Variants in C4BPA observed in about 807,000 individuals in gnomAD.
The protein encoded by C4BPA is C4b-binding protein alpha chain.
In C4BPA, 31 loss-of-function variants were observed where a neutral mutation model predicts 63.7. That is an observed-to-expected ratio of 0.49 (90% CI 0.37 to 0.66). The LOEUF (loss-of-function observed/expected upper bound fraction) is 0.66, where lower values mean the gene tolerates loss of function less well. C4BPA is among the 30% of genes least tolerant of loss of function. The pLI, the probability that C4BPA is intolerant of heterozygous loss-of-function variation, is 0.00. For synonymous variants in C4BPA, 259 were observed against 254.7 expected, an observed-to-expected ratio of 1.02 and a Z score of -0.16; for missense variants, 572 against 723.3, an observed-to-expected ratio of 0.79 and a Z score of 2.40.
In C4BPA at chr1:207,126,905, G is replaced by T; in HGVS notation, c.889+10G>T. 1 of 1,605,760 alleles carries T rather than the reference G, an allele frequency of 6.2e-7. No individual in the cohort carries two copies. The highest frequency in any genetic ancestry group is 2.2e-5 in the East Asian group (1 of 44,644). ...CCTGCTTGTGAGCCCAGTAAGTATG[G>T]ACTGTGACAGAATTTCAATGTTTGG... is the stretch of plus-strand genomic sequence containing the variant. On this transcript the variant is annotated intron_variant, in intron 7 of 11. Coordinates refer to ENST00000367070, the MANE Select transcript of C4BPA (RefSeq NM_000715.4).
At chr1:207,113,213 T>C in intron 2 of C4BPA, 46 bp downstream of exon 2, 1 of 1,590,024 alleles carries the variant, frequency 6.3e-7, no homozygotes, top group Non-Finnish European at 8.5e-7. Context: ...ACAATGAAGA[T>C]CATCTGTGCA....
At chr1:207,105,776 C>T (rs564671766) in intron 1 of C4BPA, among the ~76,000 whole-genome samples, 6 of 152,222 alleles carry the variant, frequency 3.9e-5, no homozygotes, top group African/African-American at 4.8e-5. Flanking sequence ...TAAAAAGTAA[C>T]TTCTCATGGA....
At chr1:207,136,321 G>A (rs1347356014) in intron 9 of C4BPA, among the ~76,000 whole-genome samples, 1 of 152,200 alleles carries the variant, frequency 6.6e-6, no homozygotes, top group Non-Finnish European at 1.5e-5. Flanking sequence ...TCAACTGGCT[G>A]AGACTTTTTT....
At chr1:207,123,645 C>A (rs1278475976) in intron 4 of C4BPA, among the ~76,000 whole-genome samples, 2 of 152,106 alleles carry the variant, frequency 1.3e-5, no homozygotes, top group Non-Finnish European at 2.9e-5. Context: ...CTGAAGCCAG[C>A]CTTTTATTGT....
chr1:207,131,697 T>G lies in C4BPA; in HGVS notation c.1041T>G (p.Ile347Met). 1 of 1,613,726 alleles carries G rather than the reference T, an allele frequency of 6.2e-7. No homozygotes were observed. Among genetic ancestry groups the G allele is most frequent in the Non-Finnish European group, 8.5e-7 (1 of 1,179,856 alleles). The change falls in exon 8 of 12, where the codon ATT becomes ATG. Residue 347 changes from isoleucine to methionine, a missense_variant. Physicochemically the swap from Ile to Met is conservative, Grantham distance 10. Coordinates refer to ENST00000367070, the MANE Select transcript of C4BPA (RefSeq NM_000715.4). ...CTACAGATGAGCCTACGACTGTGAT[T>G]TGTCAGAAAAATTTGAGATGGACCC... ...KPTTDEPTTV[I>M]CQKNLRWTPY...
At position 207,137,017 on chromosome 1, in the gene C4BPA, T is replaced by G. The variant is rs1685292594; in HGVS notation, c.1273+2425T>G. ...ATTGCTCCTAGCCAAATCCTCTTTG[T>G]CCTGTCATTTCTTCTTAAATTTATT... On this transcript the variant is annotated intron_variant, in intron 9 of 11. Coordinates refer to ENST00000367070, the MANE Select transcript of C4BPA (RefSeq NM_000715.4). Among the ~76,000 whole-genome samples the G allele has an allele frequency of 2.0e-5, 3 of 152,280 alleles. No individual in the cohort carries two copies. The South Asian group carries it at 6.2e-4, about 31-fold the overall frequency.
rs755642231 is a variant in C4BPA at position 207,143,835 on chromosome 1, G to A, written c.1462G>A (p.Glu488Lys). 6 of 1,612,994 alleles carry A rather than the reference G, an allele frequency of 3.7e-6. No individual in the cohort carries two copies. Among genetic ancestry groups the A allele is most frequent in the Non-Finnish European group, 5.1e-6 (6 of 1,179,174 alleles). The change falls in exon 11 of 12, where the codon GAA (glutamate) becomes AAA (lysine). Residue 488 changes from glutamate to lysine, a missense_variant. Physicochemically the swap from Glu to Lys is moderately conservative, Grantham distance 56. This residue lies in a region of C4BPA where 465 missense variants were observed against 629.4 expected (regional missense o/e 0.74). Transcript: ENST00000367070. ...PQCKALCRKP[E>K]LVNGRLSVDK... ...CATTACAGCTCTGTGTCGGAAACCA[G>A]AATTAGTGAATGGAAGGTTGTCTGT...
intron 4 of C4BPA, among the ~76,000 whole-genome samples, chr1:207,120,747 C>G (rs1248410429): frequency 1.3e-5 from 2 of 152,182 alleles, no homozygotes; most frequent in Non-Finnish European, 2.9e-5. Flanking sequence ...AATATTTCAA[C>G]AGGCACTGGA....
chr1:207,138,888 G>A (rs1685351060), intron 9 of C4BPA, among the ~76,000 whole-genome samples: 1 of 152,184 alleles, frequency 6.6e-6, no homozygotes, highest in African/African-American at 2.4e-5. Context: ...AAATTGTATT[G>A]ATGTGGCAAA....
chr1:207,124,140 C>T, intron 5 of C4BPA, 35 bp from the exon 6 acceptor site: 4 of 1,589,218 alleles, frequency 2.5e-6, no homozygotes, highest in East Asian at 2.2e-5. Context: ...GATGCCTTCG[C>T]TGAGTATTTC....
intron 4 of C4BPA, among the ~76,000 whole-genome samples, chr1:207,120,901 C>T (rs1684908437): frequency 6.6e-6 from 1 of 152,194 alleles, no homozygotes; most frequent in African/African-American, 2.4e-5. Flanking sequence ...CTGGACTGCC[C>T]TGGCTCAAGC....
intron 8 of C4BPA, among the ~76,000 whole-genome samples, chr1:207,132,465 A>T (rs1037606799): frequency 2.6e-5 from 4 of 152,218 alleles, no homozygotes; most frequent in African/African-American, 9.6e-5. Flanking sequence ...GAATACAGGG[A>T]ATTTTATGCT....
At chr1:207,140,009 C>T (rs959297205) in intron 9 of C4BPA, among the ~76,000 whole-genome samples, 1 of 152,126 alleles carries the variant, frequency 6.6e-6, no homozygotes, top group African/African-American at 2.4e-5. Context: ...TGTTTTCACC[C>T]CTAAGAATGC....
At chr1:207,126,666 A>T (rs1174928116) in intron 6 of C4BPA, 47 bp from the exon 7 acceptor site, 2 of 1,433,352 alleles carry the variant, frequency 1.4e-6, no homozygotes, top group Non-Finnish European at 2.0e-6. Flanking sequence ...TATCCTTATT[A>T]CCATCTATCT....
In C4BPA at chr1:207,134,502, A is replaced by G; in HGVS notation, c.1183A>G (p.Ile395Val). Residue 395 changes from isoleucine to valine, a missense_variant, in exon 9 of 12, where the codon ATT (isoleucine) becomes GTT (valine). Physicochemically the swap from Ile to Val is conservative, Grantham distance 29. Coordinates refer to ENST00000367070, the MANE Select transcript of C4BPA (RefSeq NM_000715.4). ...CTGTGTTTATTTCTATGGAGATGAG[A>G]TTTCATTTTCATGTCATGAGACCAG... ...NHCVYFYGDEISFSCHETSRF... is the reference protein window; with the variant it reads ...NHCVYFYGDEVSFSCHETSRF... 6.2e-7 allele frequency: 1 copy of G among 1,613,840 alleles called. No individual in the cohort carries two copies. Among genetic ancestry groups the G allele is most frequent in the Non-Finnish European group, 8.5e-7 (1 of 1,179,764 alleles).
At chr1:207,134,314 G>C (rs941841731) in intron 8 of C4BPA, 90 bp from the exon 9 acceptor site, 1 of 928,868 alleles carries the variant, frequency 1.1e-6, no homozygotes, top group African/African-American at 1.7e-5. Flanking sequence ...TCAGTGGTGA[G>C]ATCGTCCAAA....
intron 4 of C4BPA, among the ~76,000 whole-genome samples, chr1:207,116,846 C>T (rs535145796): frequency 4.1e-4 from 63 of 152,098 alleles, no homozygotes; most frequent in Middle Eastern, 3.4e-3. Flanking sequence ...TTTCCTGTTA[C>T]GCCAACACCA....
intron 1 of C4BPA, among the ~76,000 whole-genome samples, chr1:207,105,258 A>G (rs928421500): frequency 1.3e-5 from 2 of 152,142 alleles, no homozygotes; most frequent in Non-Finnish European, 2.9e-5. Flanking sequence ...AGGGGCTGAT[A>G]GAAAAATAAA....
At chr1:207,138,225 A>T (rs892448795) in intron 9 of C4BPA, among the ~76,000 whole-genome samples, 2 of 152,230 alleles carry the variant, frequency 1.3e-5, no homozygotes, top group South Asian at 4.1e-4. Context: ...CTCCTGCCAT[A>T]GTGGCTGGGC....
Sources: gnomAD v4.1 joint callset for allele counts (sites outside exome capture counted in the v4.1 genomes callset) on GRCh38, gnomAD v4.1.1 for gene constraint, gnomAD v4.1.1 regional missense constraint, MANE v1.5 for transcripts, NCBI Gene and HGNC (gene_info 2026-07-23, HGNC 2026-07-21) for gene names.